RBFOX1: variants seen among roughly 807,000 people sequenced by gnomAD.
RBFOX1 encodes RNA binding fox-1 homolog 1.
In RBFOX1, 8 loss-of-function variants were observed where a neutral mutation model predicts 57.7. That is an observed-to-expected ratio of 0.14 (90% CI 0.08 to 0.25). RBFOX1 has a LOEUF of 0.25. Among genes scored for constraint, RBFOX1 ranks in the 10% least tolerant of loss-of-function variants. The probability of loss-of-function intolerance (pLI) is 1.00; values close to 1 mark genes in which losing one functional copy is unlikely to be tolerated. For synonymous variants in RBFOX1, 326 were observed against 222.4 expected (o/e 1.47, Z -4.15); for missense variants, 611 against 548.5 (o/e 1.11, Z -1.14).
intron 1 of RBFOX1, among the ~76,000 whole-genome samples, chr16:6,263,295 G>T (rs1052314986): frequency 1.3e-5 from 2 of 152,164 alleles, no homozygotes; most frequent in Non-Finnish European, 2.9e-5. Flanking sequence ...TTCTAGCATA[G>T]AATTGAATTT....
intron 8 of RBFOX1, among the ~76,000 whole-genome samples, chr16:7,595,911 T>C (rs2094663330): frequency 6.6e-6 from 1 of 151,286 alleles, no homozygotes. Flanking sequence ...TTTTTGTTGT[T>C]ATTTTCCATG....
At chr16:7,216,233 C>T (rs542967379) in intron 4 of RBFOX1, among the ~76,000 whole-genome samples, 3 of 152,180 alleles carry the variant, frequency 2.0e-5, no homozygotes, top group South Asian at 4.1e-4. Flanking sequence ...AATCATGCCA[C>T]TATCTGCATA....
At chr16:6,776,881 C>T (rs1465379233) in intron 3 of RBFOX1, among the ~76,000 whole-genome samples, 1 of 152,220 alleles carries the variant, frequency 6.6e-6, no homozygotes, top group Non-Finnish European at 1.5e-5. Context: ...GCATGTGGCA[C>T]ATTTTAATTA....
intron 4 of RBFOX1, among the ~76,000 whole-genome samples, chr16:5,884,805 A>T (rs1371525506): frequency 1.3e-5 from 2 of 152,086 alleles, no homozygotes; most frequent in Non-Finnish European, 2.9e-5. Context: ...TGAGGTCCAG[A>T]AGGTGCTCTC....
intron 3 of RBFOX1, among the ~76,000 whole-genome samples, chr16:5,662,963 T>C (rs990287403): frequency 6.6e-6 from 1 of 152,234 alleles, no homozygotes; most frequent in African/African-American, 2.4e-5. Flanking sequence ...ATGTTATCTA[T>C]GATTATCTGT....
At chr16:6,524,064 A>G (rs2096545230) in intron 2 of RBFOX1, among the ~76,000 whole-genome samples, 1 of 152,138 alleles carries the variant, frequency 6.6e-6, no homozygotes, top group Non-Finnish European at 1.5e-5. Flanking sequence ...GAGTATAGTC[A>G]CCCTGTTGTG....
intron 3 of RBFOX1, among the ~76,000 whole-genome samples, chr16:6,834,530 CAGTT>C (rs1188210622): frequency 1.7e-5 from 2 of 119,318 alleles, no homozygotes; most frequent in Non-Finnish European, 1.7e-5. Context: ...ATGAATGAAT[CAGTT>C]AATTAATTAA....
At chr16:7,014,482 G>A (rs182633636) in intron 3 of RBFOX1, among the ~76,000 whole-genome samples, 6 of 151,640 alleles carry the variant, frequency 4.0e-5, no homozygotes, top group African/African-American at 1.5e-4. Flanking sequence ...CCTGACCTCA[G>A]GTGATCCACT....
intron 6 of RBFOX1, among the ~76,000 whole-genome samples, chr16:7,584,590 C>G (rs952922960): frequency 1.3e-5 from 2 of 152,220 alleles, no homozygotes; most frequent in Admixed American, 1.3e-4. Flanking sequence ...CATGCCTGGC[C>G]TGGATCCTGC....
downstream of RBFOX1, among the ~76,000 whole-genome samples, chr16:5,603,176 C>T (rs1319815233): frequency 3.3e-5 from 5 of 152,202 alleles, no homozygotes; most frequent in Non-Finnish European, 7.3e-5. Flanking sequence ...TCCCTGGATG[C>T]AGAAAGTATA....
intron 2 of RBFOX1, among the ~76,000 whole-genome samples, chr16:5,531,448 C>T (rs2044474377): frequency 6.6e-6 from 1 of 152,166 alleles, no homozygotes; most frequent in African/African-American, 2.4e-5. Context: ...GGTAATAGAA[C>T]TAGCTTCTTT....
chr16:6,487,627 T>G (rs1334989154), intron 2 of RBFOX1, among the ~76,000 whole-genome samples: 1 of 140,268 alleles, frequency 7.1e-6, no homozygotes, highest in Non-Finnish European at 1.5e-5. Flanking sequence ...GATACAATTA[T>G]AGTAGAACTA....
chr16:6,701,421 T>G (rs1197278948), intron 3 of RBFOX1, among the ~76,000 whole-genome samples: 2 of 152,240 alleles, frequency 1.3e-5, no homozygotes, highest in Admixed American at 6.5e-5. Context: ...TGTTTTACAT[T>G]GCTGTAAAGG....
chr16:6,885,947 C>G (rs546178910), intron 3 of RBFOX1, among the ~76,000 whole-genome samples: 3 of 152,228 alleles, frequency 2.0e-5, no homozygotes, highest in East Asian at 3.9e-4. Context: ...AATGATTTCT[C>G]TTGATTTGTT....
At chr16:5,940,999 T>G (rs1375673301) in intron 4 of RBFOX1, among the ~76,000 whole-genome samples, 1 of 152,122 alleles carries the variant, frequency 6.6e-6, no homozygotes, top group East Asian at 1.9e-4. Context: ...ATCTTTACAG[T>G]AGAAGGAATA....
chr16:5,380,927 C>G, intron 1 of RBFOX1, among the ~76,000 whole-genome samples: 1 of 152,192 alleles, frequency 6.6e-6, no homozygotes, highest in Non-Finnish European at 1.5e-5. Flanking sequence ...GTGATGTCAC[C>G]TTTTTATGCA....
chr16:6,198,935 T>A (rs1285823164), intron 1 of RBFOX1, among the ~76,000 whole-genome samples: 1 of 152,078 alleles, frequency 6.6e-6, no homozygotes, highest in Non-Finnish European at 1.5e-5. Flanking sequence ...ACATTATCAT[T>A]ATGTTTTCCA....
chr16:7,190,675 C>A (rs2085148049), intron 4 of RBFOX1, among the ~76,000 whole-genome samples: 1 of 151,990 alleles, frequency 6.6e-6, no homozygotes, highest in Non-Finnish European at 1.5e-5. Context: ...AATTCAGCTC[C>A]CCAGAAATCA....
chr16:6,955,131 C>T lies in RBFOX1; in HGVS notation c.-15-96926C>T, dbSNP rs368543255. Among the ~76,000 whole-genome samples the T allele has an allele frequency of 6.3e-4, 95 of 151,458 alleles. 2 individuals carry two copies. The South Asian group carries it at 0.019, about 31-fold the overall frequency. Reference sequence around the variant, plus strand: ...TGGATTATGCCTGTAGTCCCAGCTACTTGGGAGGTTGAGGCAGGAGGATCA... The same window carrying T: ...TGGATTATGCCTGTAGTCCCAGCTATTTGGGAGGTTGAGGCAGGAGGATCA... On this transcript the variant is annotated intron_variant, in intron 3 of 15. Transcript: ENST00000550418.
Sources: allele counts gnomAD v4.1 joint callset (sites outside exome capture counted in the v4.1 genomes callset), GRCh38; gene constraint gnomAD v4.1.1; transcripts MANE v1.5; gene names NCBI Gene and HGNC (gene_info 2026-07-23, HGNC 2026-07-21).